The following ATG4B variants were observed in gnomAD, a reference collection of about 807,000 sequenced individuals.
ATG4B encodes the protein autophagy related 4B cysteine peptidase, also known as cysteine protease ATG4B.
ATG4B carries 29 observed loss-of-function variants against 56.6 expected under a neutral mutation model. The observed-to-expected ratio is 0.51, with a 90% confidence interval of 0.38 to 0.70. ATG4B has a LOEUF of 0.70. Among genes scored for constraint, ATG4B ranks in the 30% least tolerant of loss-of-function variants. The probability of loss-of-function intolerance (pLI) is 0.00; values close to 1 mark genes in which losing one functional copy is unlikely to be tolerated. For missense variants in ATG4B, 461 were observed against 515.5 expected (o/e 0.89, Z 1.02); for synonymous variants, 224 against 206.1 (o/e 1.09, Z -0.74).
chr2:241,657,834 G>A (rs547780000), intron 6 of ATG4B, among the ~76,000 whole-genome samples: 1 of 152,144 alleles, frequency 6.6e-6, no homozygotes, highest in East Asian at 1.9e-4. Context: ...CCACTGCTCT[G>A]CCTTGAACCG....
At position 241,668,631 on chromosome 2, in the gene ATG4B, C is replaced by T. The variant is rs2068855126; in HGVS notation, c.903C>T (p.Cys301=). Residue 301 remains cysteine (C), a synonymous_variant, in exon 10 of 13, where the codon TGC becomes TGT. Transcript: ENST00000404914. The surrounding 1 kb of genome is among the most constrained non-coding windows in gnomAD (Gnocchi z 4.2). The stretch of plus-strand genomic sequence containing the variant: ...TCATCCCGGACGAGAGCTTCCACTG[C>T]CAGCACCCGCCGTGCCGCATGAGCA... The part of the protein sequence containing the change: ...GCFIPDESFH[C]QHPPCRMSIA... 6 of 1,578,812 alleles carry T rather than the reference C, an allele frequency of 3.8e-6. No homozygotes were observed. Among genetic ancestry groups the T allele is most frequent in the Non-Finnish European group, 5.2e-6 (6 of 1,162,204 alleles).
At chr2:241,669,328 C>T (rs928967675) in intron 10 of ATG4B, among the ~76,000 whole-genome samples, 2 of 152,190 alleles carry the variant, frequency 1.3e-5, no homozygotes, top group Non-Finnish European at 2.9e-5. Context: ...TTAACCGAAT[C>T]GGGGGCTCTG....
At chr2:241,664,051 C>G (rs1453488188) in intron 7 of ATG4B, among the ~76,000 whole-genome samples, 1 of 152,114 alleles carries the variant, frequency 6.6e-6, no homozygotes, top group Non-Finnish European at 1.5e-5. Context: ...ATCTCCTGAC[C>G]TCATGATCTG....
chr2:241,664,076 C>T (rs2068682054), intron 7 of ATG4B, among the ~76,000 whole-genome samples: 1 of 152,042 alleles, frequency 6.6e-6, no homozygotes, highest in South Asian at 2.1e-4. Flanking sequence ...CCTTGGCCTC[C>T]CAGAGTGCTG....
At chr2:241,661,428 G>C (rs932539686) in intron 7 of ATG4B, among the ~76,000 whole-genome samples, 9 of 152,152 alleles carry the variant, frequency 5.9e-5, no homozygotes, top group Non-Finnish European at 1.0e-4. Flanking sequence ...AGGGAGTAGT[G>C]GGGGGAGGGC....
At chr2:241,666,140 G>T (rs1230231229) in intron 7 of ATG4B, among the ~76,000 whole-genome samples, 1 of 152,226 alleles carries the variant, frequency 6.6e-6, no homozygotes, top group Non-Finnish European at 1.5e-5. Context: ...GAGAAACCTC[G>T]ATCTAGACGC....
At chr2:241,645,785 G>A (rs2068043598) in intron 1 of ATG4B, among the ~76,000 whole-genome samples, 1 of 152,084 alleles carries the variant, frequency 6.6e-6, no homozygotes, top group African/African-American at 2.4e-5. Context: ...AAGGGATCAT[G>A]TTTTCAGAGT....
chr2:241,641,837 G>C (rs550889852), intron 1 of ATG4B, among the ~76,000 whole-genome samples: 4 of 152,304 alleles, frequency 2.6e-5, no homozygotes, highest in African/African-American at 9.6e-5. Flanking sequence ...GAGAGGTCCA[G>C]GAGGTGGCAG....
rs545031293 is a variant in ATG4B, at chr2:241,668,907, G to A, written c.957+222G>A. On this transcript the variant is annotated intron_variant, in intron 10 of 12. Transcript: ENST00000404914. The surrounding 1 kb of genome is among the most constrained non-coding windows in gnomAD (Gnocchi z 4.2). The stretch of plus-strand genomic sequence containing the variant: ...CTCCTGTGCAGCCTTCATGGCCTTC[G>A]AGTGGCCCAGAGAGCGTGTGTCTGG... 28 of 623,986 alleles carry A rather than the reference G, an allele frequency of 4.5e-5. No individual in the cohort carries two copies. The highest frequency in any genetic ancestry group is 7.4e-5 in the African/African-American group (4 of 54,208). 38.7% of individuals were successfully genotyped at this position (623,986 alleles called of 1,614,324 possible). A position where few individuals can be genotyped will look rare whatever the true frequency, so the allele number is the denominator to read the frequency against.
Position 241,668,871 on chromosome 2 carries a change from C to G in ATG4B, c.957+186C>G, listed in dbSNP as rs988295838. ...GTCCTTGCACCCTCACGTCCCTCCC[C>G]CAGGCACCACCTCCTGTGCAGCCTT... On this transcript the variant is annotated intron_variant, in intron 10 of 12. Transcript: ENST00000404914. The surrounding 1 kb of genome is among the most constrained non-coding windows in gnomAD (Gnocchi z 4.2). 2.6e-6 allele frequency: 2 copies of G among 774,716 alleles called. No homozygotes were observed. Among genetic ancestry groups the G allele is most frequent in the Non-Finnish European group, 4.0e-6 (2 of 495,214 alleles). 48.0% of individuals were successfully genotyped at this position (774,716 alleles called of 1,614,324 possible). A position where few individuals can be genotyped will look rare whatever the true frequency, so the allele number is the denominator to read the frequency against.
intron 1 of ATG4B, among the ~76,000 whole-genome samples, chr2:241,649,878 G>T (rs193008158): frequency 1.7e-4 from 26 of 151,412 alleles, no homozygotes; most frequent in African/African-American, 6.3e-4. Flanking sequence ...CCACCTTCTG[G>T]GTTCAAGTGA....
intron 5 of ATG4B, 163 bp from the exon 6 acceptor site, chr2:241,655,108 G>A (rs2068354459): frequency 1.5e-6 from 1 of 652,400 alleles, no homozygotes; most frequent in Non-Finnish European, 2.8e-6. Context: ...GACCTTGTTT[G>A]CCCCCTCATG....
In ATG4B at chr2:241,673,115, C is replaced by G. The variant is rs1038458226; in HGVS notation, c.*851C>G. ...GGCGTGCCTCTCCCAGGAGCCTTCC[C>G]CATGTCCTTGCCTTGCTGAGAATTG... On this transcript the variant is annotated 3_prime_UTR_variant, in exon 13 of 13. Transcript: ENST00000404914. 1.1e-5 allele frequency: 2 copies of G among 185,402 alleles called. No individual in the cohort carries two copies. Among genetic ancestry groups the G allele is most frequent in the African/African-American group, 4.6e-5 (2 of 43,404 alleles). The allele number at this position is 185,402 out of a possible 1,614,324, so 11.5% of individuals were successfully genotyped here. A position where few individuals can be genotyped will look rare whatever the true frequency, so the allele number is the denominator to read the frequency against.
In ATG4B at chr2:241,673,644, G is replaced by A. The variant is rs1384188916; in HGVS notation, c.*1380G>A. The A allele has an allele frequency of 4.4e-6, 2 of 456,476 alleles. No homozygotes were observed. Among genetic ancestry groups the A allele is most frequent in the South Asian group, 3.1e-5 (2 of 64,552 alleles). 28.3% of individuals were successfully genotyped at this position (456,476 alleles called of 1,614,324 possible). A position where few individuals can be genotyped will look rare whatever the true frequency, so the allele number is the denominator to read the frequency against. On this transcript the variant is annotated 3_prime_UTR_variant, in exon 13 of 13. Coordinates refer to ENST00000404914, the MANE Select transcript of ATG4B (RefSeq NM_013325.5). ...GTAGTTGGGGTGGGGAAGCAGGGAA[G>A]GCTGGTGCGATCTCCATTCCTTGGG... is the stretch of plus-strand genomic sequence containing the variant.
At chr2:241,638,726 G>C (rs1235996568) in intron 1 of ATG4B, among the ~76,000 whole-genome samples, 1 of 152,200 alleles carries the variant, frequency 6.6e-6, no homozygotes, top group Non-Finnish European at 1.5e-5. Flanking sequence ...ATTTGTAGCA[G>C]CTCACCACTT....
chr2:241,668,482 C>G lies in ATG4B; in HGVS notation c.812-58C>G. On this transcript the variant is annotated intron_variant, in intron 9 of 12. Coordinates refer to ENST00000404914, the MANE Select transcript of ATG4B (RefSeq NM_013325.5). The surrounding 1 kb of genome is among the most constrained non-coding windows in gnomAD (Gnocchi z 4.2). Reference sequence around the variant, plus strand: ...CAGTGGGTCTGAAATGCGGCCTCCTCTGTCCCTTTCCTCTGCCGGCTCGGC... The same window carrying G: ...CAGTGGGTCTGAAATGCGGCCTCCTGTGTCCCTTTCCTCTGCCGGCTCGGC... 1 of 1,573,662 alleles carries G rather than the reference C, an allele frequency of 6.4e-7. No homozygotes were observed. The highest frequency in any genetic ancestry group is 8.6e-7 in the Non-Finnish European group (1 of 1,165,286).
At chr2:241,662,311 C>T (rs762712843) in intron 7 of ATG4B, among the ~76,000 whole-genome samples, 20 of 152,174 alleles carry the variant, frequency 1.3e-4, no homozygotes, top group Non-Finnish European at 2.8e-4. Context: ...CTGGCCTGGG[C>T]ATCTCATCTT....
intron 4 of ATG4B, among the ~76,000 whole-genome samples, chr2:241,654,200 G>A (rs1450812787): frequency 1.3e-5 from 2 of 151,924 alleles, no homozygotes; most frequent in Admixed American, 6.6e-5. Context: ...AGGCGGGTGG[G>A]TCACGAGGTC....
chr2:241,645,878 T>C (rs546879871), intron 1 of ATG4B, among the ~76,000 whole-genome samples: 2 of 152,290 alleles, frequency 1.3e-5, no homozygotes, highest in South Asian at 2.1e-4. Flanking sequence ...TGCGTTTCTC[T>C]GGACGGAGGA....
Sources: allele counts gnomAD v4.1 joint callset (sites outside exome capture counted in the v4.1 genomes callset), GRCh38; gene constraint gnomAD v4.1.1; non-coding constraint Gnocchi (gnomAD v3.1); transcripts MANE v1.5; gene names NCBI Gene and HGNC (gene_info 2026-07-23, HGNC 2026-07-21).